ERBB4: variants seen among roughly 807,000 people sequenced by gnomAD.
The protein encoded by ERBB4 is erb-b2 receptor tyrosine kinase 4.
A neutral mutation model predicts 158.0 loss-of-function variants in ERBB4; 42 were observed. The ratio of observed to expected loss-of-function variants is 0.27; its 90% confidence interval spans 0.21 to 0.34. The LOEUF (loss-of-function observed/expected upper bound fraction) is 0.34. Ranked by LOEUF, ERBB4 falls within the 10% of genes least tolerant of loss-of-function variation. The probability of loss-of-function intolerance (pLI) is 1.00; values close to 1 mark genes in which losing one functional copy is unlikely to be tolerated. For missense variants in ERBB4, 1,333 were observed against 1,624.1 expected, an observed-to-expected ratio of 0.82 and a Z score of 3.08; for synonymous variants, 583 against 558.7, an observed-to-expected ratio of 1.04 and a Z score of -0.61.
chr2:212,446,623 A>G (rs1251065019), intron 1 of ERBB4, among the ~76,000 whole-genome samples: 1 of 78,196 alleles, frequency 1.3e-5, no homozygotes, highest in Non-Finnish European at 2.5e-5. Context: ...ATATATATAT[A>G]TATATATATA....
intron 3 of ERBB4, among the ~76,000 whole-genome samples, chr2:211,914,937 G>A (rs1035459661): frequency 1.3e-5 from 2 of 152,020 alleles, no homozygotes; most frequent in African/African-American, 2.4e-5. Flanking sequence ...CTTGCTTTCT[G>A]CTTAAAATCC....
At chr2:211,775,835 C>CTT (rs1315251355) in intron 4 of ERBB4, among the ~76,000 whole-genome samples, 1 of 152,120 alleles carries the variant, frequency 6.6e-6, no homozygotes, top group Admixed American at 6.6e-5. Context: ...AAAATGTAGC[C>CTT]CATTTCTTGC....
chr2:211,666,590 T>C (rs1294071555), intron 14 of ERBB4, among the ~76,000 whole-genome samples: 1 of 152,218 alleles, frequency 6.6e-6, no homozygotes, highest in Non-Finnish European at 1.5e-5. Flanking sequence ...AAAGAAAATT[T>C]AGAACACTTT....
chr2:211,745,998 T>G (rs983272518), intron 5 of ERBB4, among the ~76,000 whole-genome samples: 1 of 152,252 alleles, frequency 6.6e-6, no homozygotes, highest in Non-Finnish European at 1.5e-5. Flanking sequence ...TCATTTCCTC[T>G]GCTTATATTT....
At chr2:212,465,976 A>G (rs533489900) in intron 1 of ERBB4, among the ~76,000 whole-genome samples, 63 of 152,326 alleles carry the variant, frequency 4.1e-4, no homozygotes, top group African/African-American at 1.4e-3. Context: ...CTGACGGCAA[A>G]TAATAAAAAA....
intron 25 of ERBB4, among the ~76,000 whole-genome samples, chr2:211,416,492 T>C (rs2063395586): frequency 6.6e-6 from 1 of 151,996 alleles, no homozygotes; most frequent in Non-Finnish European, 1.5e-5. Context: ...TATGTAAAAA[T>C]AGAAACAAAT....
intron 1 of ERBB4, among the ~76,000 whole-genome samples, chr2:212,453,267 T>C (rs1688099615): frequency 6.6e-6 from 1 of 152,174 alleles, no homozygotes; most frequent in Non-Finnish European, 1.5e-5. Flanking sequence ...CAAGTCTACT[T>C]TGTAAAGAAA....
At chr2:211,741,855 T>C (rs1353946303) in intron 5 of ERBB4, among the ~76,000 whole-genome samples, 1 of 152,224 alleles carries the variant, frequency 6.6e-6, no homozygotes, top group Non-Finnish European at 1.5e-5. Context: ...TTACAACAAA[T>C]ATTATCAACT....
chr2:211,504,921 C>T (rs368604230), intron 20 of ERBB4, among the ~76,000 whole-genome samples: 69 of 152,104 alleles, frequency 4.5e-4, no homozygotes, highest in African/African-American at 1.6e-3. Flanking sequence ...TTTTTAAAAA[C>T]AAGCAAAGCA....
chr2:211,614,721 A>T (rs1159032105), intron 19 of ERBB4, among the ~76,000 whole-genome samples: 2 of 152,102 alleles, frequency 1.3e-5, no homozygotes, highest in Non-Finnish European at 2.9e-5. Context: ...GAGAAAATGT[A>T]AACTGATAAA....
At chr2:212,202,338 T>C (rs1030383202) in intron 1 of ERBB4, among the ~76,000 whole-genome samples, 2 of 152,116 alleles carry the variant, frequency 1.3e-5, no homozygotes, top group Non-Finnish European at 2.9e-5. Flanking sequence ...TGTTTTGACA[T>C]GAAATATTAA....
At chr2:212,427,797 T>C (rs1261448339) in intron 1 of ERBB4, among the ~76,000 whole-genome samples, 4 of 152,116 alleles carry the variant, frequency 2.6e-5, no homozygotes, top group Non-Finnish European at 4.4e-5. Flanking sequence ...TTCCAGGGAA[T>C]GTGAGAGCTT....
At chr2:211,881,497 A>G (rs753926554) in intron 3 of ERBB4, among the ~76,000 whole-genome samples, 4 of 146,362 alleles carry the variant, frequency 2.7e-5, no homozygotes, top group Middle Eastern at 3.5e-3. Flanking sequence ...TGGAAGCTCC[A>G]TCTTCCCTTT....
chr2:211,754,191 T>C (rs560065976), intron 4 of ERBB4, among the ~76,000 whole-genome samples: 145 of 152,176 alleles, frequency 9.5e-4, no homozygotes, highest in African/African-American at 3.4e-3. Context: ...AAAAGAGATC[T>C]TATGTGTCTG....
intron 25 of ERBB4, among the ~76,000 whole-genome samples, chr2:211,409,141 T>A (rs1225787281): frequency 6.6e-6 from 1 of 152,096 alleles, no homozygotes; most frequent in Non-Finnish European, 1.5e-5. Context: ...TTAATTGCTA[T>A]TTATTGAAGA....
intron 1 of ERBB4, among the ~76,000 whole-genome samples, chr2:212,192,566 A>C (rs1005231303): frequency 3.3e-5 from 5 of 152,112 alleles, no homozygotes; most frequent in Non-Finnish European, 5.9e-5. Flanking sequence ...GAAATGAAGG[A>C]AAAAAGGACA....
intron 1 of ERBB4, among the ~76,000 whole-genome samples, chr2:212,156,390 T>C (rs1313582373): frequency 6.6e-6 from 1 of 152,150 alleles, no homozygotes; most frequent in African/African-American, 2.4e-5. Flanking sequence ...CAGTCAAGTG[T>C]AATTTCTGTA....
At chr2:212,245,505 A>C (rs1021772523) in intron 1 of ERBB4, among the ~76,000 whole-genome samples, 1 of 152,194 alleles carries the variant, frequency 6.6e-6, no homozygotes, top group African/African-American at 2.4e-5. Context: ...GTTATATCAG[A>C]TATTGACGTT....
chr2:211,459,084 A>G (rs1435004413), intron 20 of ERBB4, among the ~76,000 whole-genome samples: 2 of 152,206 alleles, frequency 1.3e-5, no homozygotes, highest in South Asian at 2.1e-4. Context: ...CTAAATCATA[A>G]TATCTCCCCA....
Sources: gnomAD v4.1 joint callset for allele counts (sites outside exome capture counted in the v4.1 genomes callset) on GRCh38, gnomAD v4.1.1 for gene constraint, MANE v1.5 for transcripts, NCBI Gene and HGNC (gene_info 2026-07-23, HGNC 2026-07-21) for gene names.